The following ZFPM2 variants were observed in gnomAD, a reference collection of about 807,000 sequenced individuals.
ZFPM2 encodes the protein zinc finger protein, FOG family member 2, also known as zinc finger protein ZFPM2.
Under a neutral mutation model 98.6 loss-of-function variants are expected in ZFPM2, and 20 were observed. The ratio of observed to expected loss-of-function variants is 0.20; its 90% CI spans 0.14 to 0.29. ZFPM2 has a LOEUF of 0.29. Among genes scored for constraint, ZFPM2 ranks in the 10% least tolerant of loss-of-function variants. The probability of loss-of-function intolerance (pLI) is 1.00; values close to 1 mark genes in which losing one functional copy is unlikely to be tolerated. For missense variants in ZFPM2, 1,310 were observed against 1,388.6 expected (o/e 0.94, Z 0.90); for synonymous variants, 518 against 502.7 (o/e 1.03, Z -0.41).
intron 5 of ZFPM2, among the ~76,000 whole-genome samples, chr8:105,721,989 A>G (rs1811679991): frequency 6.6e-6 from 1 of 151,932 alleles, no homozygotes. Flanking sequence ...AGGTATAATT[A>G]AAATTTTAAC....
intron 1 of ZFPM2, among the ~76,000 whole-genome samples, chr8:105,374,679 T>C (rs1158454886): frequency 6.6e-6 from 1 of 152,246 alleles, no homozygotes; most frequent in Non-Finnish European, 1.5e-5. Context: ...AAAATGGTAG[T>C]GTCACAGGTG....
At chr8:105,709,849 C>T (rs1238939386) in intron 5 of ZFPM2, among the ~76,000 whole-genome samples, 2 of 152,084 alleles carry the variant, frequency 1.3e-5, no homozygotes, top group African/African-American at 4.8e-5. Flanking sequence ...TTTTGGATTT[C>T]GCTATGAAAC....
chr8:105,510,230 G>A (rs1813788243), intron 3 of ZFPM2, among the ~76,000 whole-genome samples: 1 of 152,086 alleles, frequency 6.6e-6, no homozygotes, highest in Admixed American at 6.6e-5. Context: ...GACTGTTAAA[G>A]AGCCAAGTCA....
At chr8:105,716,247 C>T (rs1811520997) in intron 5 of ZFPM2, among the ~76,000 whole-genome samples, 2 of 149,082 alleles carry the variant, frequency 1.3e-5, no homozygotes, top group Admixed American at 6.7e-5. Flanking sequence ...ATATTTTATC[C>T]ATATAAAATT....
intron 1 of ZFPM2, chr8:105,414,940 C>T (rs545563172): frequency 2.3e-4 from 35 of 152,208 alleles, no homozygotes; most frequent in East Asian, 1.5e-3. Context: ...GATTGCACAG[C>T]GCAGCTGTTG....
intron 5 of ZFPM2, among the ~76,000 whole-genome samples, chr8:105,661,908 G>A (rs942618529): frequency 2.6e-5 from 4 of 152,036 alleles, no homozygotes; most frequent in African/African-American, 9.7e-5. Flanking sequence ...TGCAAGGTAG[G>A]TGATGTCTAG....
intron 4 of ZFPM2, among the ~76,000 whole-genome samples, chr8:105,577,296 A>G (rs1815487357): frequency 6.6e-6 from 1 of 152,152 alleles, no homozygotes. Flanking sequence ...AACCTAACAA[A>G]CAAAAAGTAG....
intron 1 of ZFPM2, among the ~76,000 whole-genome samples, chr8:105,369,886 A>T (rs894467457): frequency 6.6e-6 from 1 of 152,182 alleles, no homozygotes; most frequent in Non-Finnish European, 1.5e-5. Flanking sequence ...GAGCATGAAT[A>T]CACATACAAA....
intron 1 of ZFPM2, among the ~76,000 whole-genome samples, chr8:105,363,584 T>TA (rs1407217965): frequency 5.3e-5 from 8 of 152,156 alleles, no homozygotes; most frequent in Non-Finnish European, 1.0e-4. Flanking sequence ...GAATGCGTCT[T>TA]AGATTCCAAC....
At chr8:105,477,806 C>A (rs1813040989) in intron 3 of ZFPM2, among the ~76,000 whole-genome samples, 1 of 152,128 alleles carries the variant, frequency 6.6e-6, no homozygotes, top group Non-Finnish European at 1.5e-5. Context: ...AAATAGCTTG[C>A]ATGCCTTTTT....
chr8:105,480,302 C>T (rs1268324054), intron 3 of ZFPM2, among the ~76,000 whole-genome samples: 2 of 152,188 alleles, frequency 1.3e-5, no homozygotes, highest in African/African-American at 4.8e-5. Flanking sequence ...TTTGCCACTT[C>T]TTTCTTCCTT....
intron 4 of ZFPM2, among the ~76,000 whole-genome samples, chr8:105,624,411 C>T (rs775265470): frequency 1.3e-5 from 2 of 152,044 alleles, no homozygotes; most frequent in African/African-American, 2.4e-5. Flanking sequence ...AGTTCCTCTT[C>T]GGAGCCAAAT....
At chr8:105,638,794 A>C (rs1187000072) in intron 5 of ZFPM2, among the ~76,000 whole-genome samples, 1 of 152,126 alleles carries the variant, frequency 6.6e-6, no homozygotes, top group African/African-American at 2.4e-5. Context: ...GTGTCCATCA[A>C]ATAATTATTA....
intron 1 of ZFPM2, among the ~76,000 whole-genome samples, chr8:105,393,210 G>T (rs1430003145): frequency 1.3e-5 from 2 of 152,030 alleles, no homozygotes; most frequent in African/African-American, 2.4e-5. Context: ...AAACCATGCC[G>T]TTGGAAGTGT....
chr8:105,648,720 C>G lies in ZFPM2; in HGVS notation c.532+14363C>G, dbSNP rs190565654. Among the ~76,000 whole-genome samples, 269 of 152,244 alleles carry G rather than the reference C, an allele frequency of 1.8e-3. 1 individual carries two copies. Among genetic ancestry groups the G allele is most frequent in the African/African-American group, 6.1e-3 (252 of 41,554 alleles). ...TGGTATTATTTCTGAGGGCTCTGTTCTGTTCCATTGGTCTGTATCTCTGTT... is the reference window on the plus strand; with the variant it reads ...TGGTATTATTTCTGAGGGCTCTGTTGTGTTCCATTGGTCTGTATCTCTGTT... On this transcript the variant is annotated intron_variant, in intron 5 of 7. Coordinates refer to ENST00000407775, the MANE Select transcript of ZFPM2 (RefSeq NM_012082.4).
chr8:105,555,861 C>T (rs1586460098), intron 3 of ZFPM2, among the ~76,000 whole-genome samples: 2 of 151,972 alleles, frequency 1.3e-5, no homozygotes, highest in African/African-American at 2.4e-5. Flanking sequence ...TGCCAGATAG[C>T]GGGAACCATT....
chr8:105,340,746 G>A (rs1363453354), intron 1 of ZFPM2, among the ~76,000 whole-genome samples: 1 of 151,878 alleles, frequency 6.6e-6, no homozygotes, highest in Non-Finnish European at 1.5e-5. Flanking sequence ...CACTAGGAAG[G>A]TAAGATCTCT....
intron 1 of ZFPM2, among the ~76,000 whole-genome samples, chr8:105,410,682 G>C (rs1294773823): frequency 6.6e-6 from 1 of 151,846 alleles, no homozygotes; most frequent in African/African-American, 2.4e-5. Context: ...AAGAATAGTA[G>C]CAATATTTTG....
intron 3 of ZFPM2, among the ~76,000 whole-genome samples, chr8:105,480,117 T>C (rs760839264): frequency 3.3e-5 from 5 of 152,156 alleles, no homozygotes; most frequent in Admixed American, 1.3e-4. Flanking sequence ...TGCCATTGCT[T>C]TTCTCATAGG....
Sources: gnomAD v4.1 joint callset for allele counts (sites outside exome capture counted in the v4.1 genomes callset) on GRCh38, gnomAD v4.1.1 for gene constraint, MANE v1.5 for transcripts, NCBI Gene and HGNC (gene_info 2026-07-23, HGNC 2026-07-21) for gene names.